CCSER1: variants seen among roughly 807,000 people sequenced by gnomAD.
CCSER1 encodes serine-rich coiled-coil domain-containing protein 1.
In CCSER1, 41 loss-of-function variants were observed where a neutral mutation model predicts 82.0. That is an observed-to-expected ratio of 0.50 (90% CI 0.39 to 0.65). The LOEUF (loss-of-function observed/expected upper bound fraction) is 0.65. Among genes scored for constraint, CCSER1 ranks in the 30% least tolerant of loss-of-function variants. The pLI is 0.00. For missense variants in CCSER1, 1,119 were observed against 1,064.2 expected (o/e 1.05, Z -0.72); for synonymous variants, 414 against 383.9 (o/e 1.08, Z -0.92).
At chr4:91,548,030 G>T (rs2110214687) in intron 10 of CCSER1, among the ~76,000 whole-genome samples, 1 of 152,236 alleles carries the variant, frequency 6.6e-6, no homozygotes, top group South Asian at 2.1e-4. Context: ...CAATCCACCT[G>T]CCTTGGCCTC....
At chr4:91,485,434 C>T (rs1458570897) in intron 10 of CCSER1, among the ~76,000 whole-genome samples, 1 of 152,030 alleles carries the variant, frequency 6.6e-6, no homozygotes, top group Admixed American at 6.6e-5. Context: ...AAGAGAGAAA[C>T]TTCATTGTTT....
chr4:90,499,252 A>T (rs1230831309), intron 5 of CCSER1, among the ~76,000 whole-genome samples: 1 of 152,048 alleles, frequency 6.6e-6, no homozygotes, highest in African/African-American at 2.4e-5. Context: ...TGCCTACTAT[A>T]TGCAAGGTAC....
At chr4:91,308,766 G>A (rs1745245844) in intron 10 of CCSER1, among the ~76,000 whole-genome samples, 1 of 151,954 alleles carries the variant, frequency 6.6e-6, no homozygotes, top group Non-Finnish European at 1.5e-5. Flanking sequence ...GTAGTCAACA[G>A]TAATGTATTG....
chr4:90,986,777 C>T (rs968193742), intron 9 of CCSER1, among the ~76,000 whole-genome samples: 1 of 151,724 alleles, frequency 6.6e-6, no homozygotes, highest in African/African-American at 2.4e-5. Flanking sequence ...AACCATAAAT[C>T]ATTGGCATGA....
chr4:91,558,249 T>G (rs1263493641), intron 10 of CCSER1, among the ~76,000 whole-genome samples: 1 of 150,280 alleles, frequency 6.7e-6, no homozygotes, highest in African/African-American at 2.4e-5. Flanking sequence ...AATATGTGTA[T>G]TATTGGTTCC....
In CCSER1 at chr4:91,519,563, C is replaced by T. The variant is rs564955587; in HGVS notation, c.2218-79009C>T. Among the ~76,000 whole-genome samples, 7 of 152,340 alleles carry T rather than the reference C, an allele frequency of 4.6e-5. No homozygotes were observed. In the South Asian group the frequency reaches 1.4e-3, roughly 32 times the overall value. On this transcript the variant is annotated intron_variant, in intron 10 of 10. Coordinates refer to ENST00000509176, the MANE Select transcript of CCSER1 (RefSeq NM_001145065.2). The stretch of plus-strand genomic sequence containing the variant: ...GCAGCCATGTGTGCCTGAGCAGTGG[C>T]TCTGCCCAGACTCTATATAGCTCTG...
At chr4:90,519,891 CA>C (rs1423777412) in intron 5 of CCSER1, among the ~76,000 whole-genome samples, 1 of 151,994 alleles carries the variant, frequency 6.6e-6, no homozygotes, top group African/African-American at 2.4e-5. Context: ...TTAACTCTTA[CA>C]CTATTCAAAA....
chr4:91,563,903 T>C (rs570878135), intron 10 of CCSER1, among the ~76,000 whole-genome samples: 18 of 151,942 alleles, frequency 1.2e-4, no homozygotes, highest in African/African-American at 4.3e-4. Context: ...CTTTAAATTT[T>C]AGATTTGGTG....
intron 10 of CCSER1, among the ~76,000 whole-genome samples, chr4:91,326,750 T>G (rs1453951884): frequency 1.3e-5 from 2 of 152,162 alleles, no homozygotes; most frequent in African/African-American, 4.8e-5. Flanking sequence ...AGCTAGTTAC[T>G]TCCAAGATAC....
At chr4:91,228,055 G>T (rs534038177) in intron 10 of CCSER1, among the ~76,000 whole-genome samples, 1 of 151,888 alleles carries the variant, frequency 6.6e-6, no homozygotes, top group Admixed American at 6.6e-5. Flanking sequence ...AACCACTCTT[G>T]TACTTGACCA....
intron 7 of CCSER1, among the ~76,000 whole-genome samples, chr4:90,734,837 A>T (rs1745391667): frequency 6.6e-6 from 1 of 152,068 alleles, no homozygotes; most frequent in South Asian, 2.1e-4. Flanking sequence ...TGATTGCTCT[A>T]GCTAGGACTT....
At chr4:91,138,833 A>G (rs1237757582) in intron 10 of CCSER1, among the ~76,000 whole-genome samples, 1 of 151,876 alleles carries the variant, frequency 6.6e-6, no homozygotes, top group Non-Finnish European at 1.5e-5. Flanking sequence ...AACACATGAA[A>G]AAATGCTCAT....
chr4:90,235,399 A>G (rs571457131), intron 1 of CCSER1: 31 of 152,250 alleles, frequency 2.0e-4, no homozygotes, highest in African/African-American at 7.5e-4. Context: ...AAACATGTGC[A>G]CCTCGTTTTT....
At chr4:91,227,612 C>T (rs1738308169) in intron 10 of CCSER1, among the ~76,000 whole-genome samples, 1 of 151,270 alleles carries the variant, frequency 6.6e-6, no homozygotes, top group African/African-American at 2.4e-5. Flanking sequence ...CTAGTGAAAC[C>T]ATCACCCAAA....
intron 10 of CCSER1, among the ~76,000 whole-genome samples, chr4:91,322,563 A>G (rs1746268968): frequency 1.3e-5 from 2 of 152,152 alleles, no homozygotes; most frequent in South Asian, 4.1e-4. Context: ...TATTCAACAC[A>G]ATAACTAGCA....
intron 8 of CCSER1, among the ~76,000 whole-genome samples, chr4:90,874,383 A>G (rs1766934937): frequency 6.6e-6 from 1 of 151,858 alleles, no homozygotes; most frequent in South Asian, 2.1e-4. Flanking sequence ...TTTTGTTCTT[A>G]TTTTTGTGAA....
At chr4:90,944,031 T>C (rs1731929009) in intron 9 of CCSER1, among the ~76,000 whole-genome samples, 1 of 151,862 alleles carries the variant, frequency 6.6e-6, no homozygotes, top group Non-Finnish European at 1.5e-5. Flanking sequence ...CTCAGGAGTT[T>C]GCAACCAGCC....
At chr4:91,083,290 T>C (rs1363188723) in intron 9 of CCSER1, among the ~76,000 whole-genome samples, 1 of 152,094 alleles carries the variant, frequency 6.6e-6, no homozygotes, top group East Asian at 1.9e-4. Flanking sequence ...AAACCATCCT[T>C]CTGAGCAAAC....
chr4:91,200,011 A>G (rs1735781015), intron 10 of CCSER1, among the ~76,000 whole-genome samples: 1 of 152,076 alleles, frequency 6.6e-6, no homozygotes, highest in African/African-American at 2.4e-5. Flanking sequence ...TCAAAAAACT[A>G]TATTTAATGA....
Sources: gnomAD v4.1 joint callset for allele counts (sites outside exome capture counted in the v4.1 genomes callset) on GRCh38, gnomAD v4.1.1 for gene constraint, MANE v1.5 for transcripts, NCBI Gene and HGNC (gene_info 2026-07-23, HGNC 2026-07-21) for gene names.